Variants in NFKBIZ observed in about 807,000 individuals in gnomAD.
NFKBIZ encodes NFKB inhibitor zeta.
In NFKBIZ, 19 loss-of-function variants were observed where a neutral mutation model predicts 76.8. The observed-to-expected ratio is 0.25, with a 90% CI of 0.17 to 0.36. NFKBIZ has a LOEUF of 0.36. NFKBIZ is among the 10% of genes least tolerant of loss of function. NFKBIZ has a pLI of 1.00. For synonymous variants in NFKBIZ, 368 were observed against 354.8 expected (o/e 1.04, Z -0.42); for missense variants, 829 against 910.9 (o/e 0.91, Z 1.16).
At chr3:101,832,073 A>G (rs1037118113) in intron 2 of NFKBIZ, among the ~76,000 whole-genome samples, 17 of 151,986 alleles carry the variant, frequency 1.1e-4, no homozygotes, top group African/African-American at 4.1e-4. Flanking sequence ...CAGCATGCCA[A>G]GCTTCTTTGT....
upstream of NFKBIZ, among the ~76,000 whole-genome samples, chr3:101,847,739 G>A (rs1004559461): frequency 2.6e-5 from 4 of 152,192 alleles, no homozygotes; most frequent in African/African-American, 9.7e-5. Flanking sequence ...CATTGTACAT[G>A]GAGTTCATTA....
chr3:101,834,695 A>G lies in NFKBIZ; in HGVS notation c.-12+5007A>G, dbSNP rs76994869. On this transcript the variant is annotated intron_variant, in intron 2 of 12. Coordinates refer to the NFKBIZ transcript ENST00000394054. Reference sequence around the variant, plus strand: ...TCTTTCTGTGTTCAGTCTCTTGCCTATAGATTAAATGTGTGAAATCTCTAA... The same window carrying G: ...TCTTTCTGTGTTCAGTCTCTTGCCTGTAGATTAAATGTGTGAAATCTCTAA... Among the ~76,000 whole-genome samples the G allele has an allele frequency of 1.6e-3, 244 of 152,256 alleles. 6 individuals are homozygous for G. In the East Asian group the frequency reaches 0.044, roughly 27 times the overall value.
At chr3:101,836,439 C>T (rs1027414357) in intron 2 of NFKBIZ, among the ~76,000 whole-genome samples, 3 of 152,172 alleles carry the variant, frequency 2.0e-5, no homozygotes, top group African/African-American at 4.8e-5. Flanking sequence ...GGCCACCTGG[C>T]ATTATCTTAT....
rs767220885 is a variant in NFKBIZ, at chr3:101,852,090, C to T, written c.295C>T (p.Pro99Ser). The T allele has an allele frequency of 6.2e-7, 1 of 1,613,464 alleles. No individual in the cohort carries two copies. The highest frequency in any genetic ancestry group is 2.2e-5 in the East Asian group (1 of 44,882). The change falls in exon 2 of 12, where the codon CCC (proline) becomes TCC (serine). Residue 99 changes from proline (P) to serine (S), a missense_variant. Pro to Ser is a moderately conservative substitution (Grantham distance 74). Around this residue, in one of 4 missense-constraint regions of NFKBIZ, gnomAD observed 181 missense variants for 175.3 expected, o/e 1.03. Coordinates refer to ENST00000326172, the MANE Select transcript of NFKBIZ (RefSeq NM_031419.4). ...TTTTGTTTTCTTTTGAACAGTTGAG[C>T]CCCATATGGGGGTTGGCAGGCAGCA... ...GARAERQPVE[P>S]HMGVGRQQRG...
chr3:101,831,367 G>T (rs984699989), intron 2 of NFKBIZ, among the ~76,000 whole-genome samples: 1 of 152,184 alleles, frequency 6.6e-6, no homozygotes, highest in Non-Finnish European at 1.5e-5. Flanking sequence ...AGACCCTGTA[G>T]TGGGGTCTAA....
At chr3:101,850,030 A>G (rs1198115702) in intron 1 of NFKBIZ, 113 bp downstream of exon 1, 1 of 1,059,508 alleles carries the variant, frequency 9.4e-7, no homozygotes, top group Non-Finnish European at 1.2e-6. Flanking sequence ...GCTAGGACGT[A>G]CGCACCTTAG....
In NFKBIZ at chr3:101,857,082, A is replaced by G. The variant is rs746260277; in HGVS notation, c.1834A>G (p.Ser612Gly). The G allele has an allele frequency of 1.2e-6, 2 of 1,608,774 alleles. No homozygotes were observed. Among genetic ancestry groups the G allele is most frequent in the Non-Finnish European group, 1.7e-6 (2 of 1,177,006 alleles). The change falls in exon 10 of 12, where the codon AGT becomes GGT. Residue 612 changes from serine to glycine, a missense_variant. Ser to Gly is a moderately conservative substitution (Grantham distance 56, BLOSUM62 0). This residue lies in a region of NFKBIZ where 272 missense variants were observed against 384.2 expected (regional missense o/e 0.71). Transcript: ENST00000326172. ...TCTTGCCTTTGACAAGGATCGCAAAAGTGGCCGCACAGCCCTGCATTTGGC... is the reference window on the plus strand; with the variant it reads ...TCTTGCCTTTGACAAGGATCGCAAAGGTGGCCGCACAGCCCTGCATTTGGC... ...GAAVEAKDRKSGRTALHLAAE... is the reference protein window; with the variant it reads ...GAAVEAKDRKGGRTALHLAAE...
intron 2 of NFKBIZ, among the ~76,000 whole-genome samples, chr3:101,840,050 T>C (rs1159258522): frequency 2.6e-5 from 4 of 152,194 alleles, no homozygotes; most frequent in African/African-American, 7.2e-5. Flanking sequence ...AAGATACTTT[T>C]TGGTCCTTCA....
In NFKBIZ at chr3:101,849,739, C is replaced by T. The variant is rs1313277004; in HGVS notation, c.111C>T (p.Gly37=). The change falls in exon 1 of 12, where the codon GGC becomes GGT. Residue 37 remains glycine (G), a synonymous_variant. Coordinates refer to ENST00000326172, the MANE Select transcript of NFKBIZ (RefSeq NM_031419.4). The stretch of plus-strand genomic sequence containing the variant: ...CGCTCAACCTGAGCTACTTCTACGG[C>T]GCGTCGCCGCCCGCCGCCGCCCCGG... ...TSPLNLSYFY[G]ASPPAAAPGA... 1.9e-5 allele frequency: 28 copies of T among 1,448,336 alleles called. No homozygotes were observed. Among genetic ancestry groups the T allele is most frequent in the Non-Finnish European group, 2.3e-5 (25 of 1,105,506 alleles). 89.7% of individuals were successfully genotyped at this position (1,448,336 alleles called of 1,614,324 possible).
chr3:101,836,155 G>C (rs983427909), intron 2 of NFKBIZ, among the ~76,000 whole-genome samples: 3 of 152,174 alleles, frequency 2.0e-5, no homozygotes, highest in African/African-American at 7.2e-5. Flanking sequence ...TTTTAGACTT[G>C]ATTATACTCT....
At chr3:101,838,076 A>C (rs1205137225) in intron 2 of NFKBIZ, among the ~76,000 whole-genome samples, 1 of 152,176 alleles carries the variant, frequency 6.6e-6, no homozygotes, top group Non-Finnish European at 1.5e-5. Context: ...TTCAATATAG[A>C]TGCAAGGTAT....
At chr3:101,854,505 T>C in intron 5 of NFKBIZ, 73 bp from the exon 6 acceptor site, 1 of 933,616 alleles carries the variant, frequency 1.1e-6, no homozygotes, top group Non-Finnish European at 1.7e-6. Flanking sequence ...AGGAAGATTT[T>C]TTTTTTTTTT....
chr3:101,830,411 G>A (rs1218426057), intron 2 of NFKBIZ, among the ~76,000 whole-genome samples: 1 of 152,118 alleles, frequency 6.6e-6, no homozygotes, highest in Admixed American at 6.6e-5. Flanking sequence ...GTTGAGGTTT[G>A]GGGTACAACT....
chr3:101,843,797 T>A (rs533730856), intron 2 of NFKBIZ, among the ~76,000 whole-genome samples: 1 of 152,238 alleles, frequency 6.6e-6, no homozygotes, highest in Non-Finnish European at 1.5e-5. Context: ...AATTGAGTTA[T>A]GCAAATTTTC....
rs765606193 is a variant in NFKBIZ at position 101,859,320 on chromosome 3, C to G, written c.2106C>G (p.Ile702Met). ...AATTTTATTTGTTTCTCTTCCAGAT[C>G]CGACGTATCCTGAAGGGAAAGTCCA... The part of the protein sequence containing the change: ...LVPDGPVGEQ[I>M]RRILKGKSIQ... Residue 702 changes from isoleucine to methionine, a missense_variant and splice_region_variant, in exon 12 of 12, where the codon ATC becomes ATG. By Grantham distance (10) the Ile-to-Met change is conservative (BLOSUM62 1). Coordinates refer to ENST00000326172, the MANE Select transcript of NFKBIZ (RefSeq NM_031419.4). 3.7e-6 allele frequency: 6 copies of G among 1,613,234 alleles called. No homozygotes were observed. The highest frequency in any genetic ancestry group is 5.1e-6 in the Non-Finnish European group (6 of 1,179,282).
chr3:101,852,269 G>A (rs1942976046), intron 2 of NFKBIZ, 45 bp downstream of exon 2: 2 of 1,599,902 alleles, frequency 1.3e-6, no homozygotes. Flanking sequence ...GGGGAGAGGG[G>A]TTAGTCTGTC....
At position 101,853,438 on chromosome 3, in the gene NFKBIZ, C is replaced by G. The variant is rs766736566; in HGVS notation, c.912C>G (p.His304Gln). 6.2e-7 allele frequency: 1 copy of G among 1,614,216 alleles called. No homozygotes were observed. Among genetic ancestry groups the G allele is most frequent in the Non-Finnish European group, 8.5e-7 (1 of 1,180,046 alleles). Residue 304 changes from histidine to glutamine, a missense_variant, in exon 5 of 12, where the codon CAC (histidine) becomes CAG (glutamine). Physicochemically the swap from His to Gln is conservative, Grantham distance 24 (BLOSUM62 0). This residue lies in a region of NFKBIZ where 371 missense variants were observed against 332.3 expected (regional missense o/e 1.12). Transcript: ENST00000326172. ...QHVEQQPHYT[H>Q]KPTLEYSPFP... ...TAGAGCAGCAGCCACACTACACCCA[C>G]AAACCAACTCTGGAATACAGTCCTT...
chr3:101,854,828 C>T (rs981490796), intron 6 of NFKBIZ, 145 bp downstream of exon 6: 2 of 753,158 alleles, frequency 2.7e-6, no homozygotes, highest in Non-Finnish European at 4.3e-6. Context: ...TTTTTGCTAC[C>T]ATCAACCTTG....
intron 11 of NFKBIZ, 56 bp downstream of exon 11, chr3:101,857,515 A>G (rs752961027): frequency 9.3e-5 from 150 of 1,606,088 alleles, no homozygotes; most frequent in Non-Finnish European, 1.2e-4. Context: ...CTGAAACAGA[A>G]AGGGAGATGA....
Sources: allele counts gnomAD v4.1 joint callset (sites outside exome capture counted in the v4.1 genomes callset), GRCh38; gene constraint gnomAD v4.1.1; regional missense constraint gnomAD v4.1.1; transcripts MANE v1.5; gene names NCBI Gene and HGNC (gene_info 2026-07-23, HGNC 2026-07-21).